The following RASSF8 variants were observed in gnomAD, a reference collection of about 807,000 sequenced individuals.
RASSF8 encodes the protein ras association domain-containing protein 8.
Under a neutral mutation model 48.5 loss-of-function variants are expected in RASSF8, and 22 were observed. That is an observed-to-expected ratio of 0.45 (90% CI 0.32 to 0.65). The LOEUF (loss-of-function observed/expected upper bound fraction) is 0.65. RASSF8 is among the 30% of genes least tolerant of loss of function. The probability of loss-of-function intolerance (pLI) is 0.03; values close to 1 mark genes in which losing one functional copy is unlikely to be tolerated. For missense variants in RASSF8, 418 were observed against 489.2 expected (o/e 0.85, Z 1.37); for synonymous variants, 127 against 171.5 (o/e 0.74, Z 2.03).
intron 3 of RASSF8, among the ~76,000 whole-genome samples, chr12:26,060,409 A>C (rs913794817): frequency 2.0e-5 from 3 of 152,200 alleles, no homozygotes; most frequent in African/African-American, 4.8e-5. Flanking sequence ...TTATTTTAGT[A>C]GTTTCACTCA....
In RASSF8 at chr12:26,068,664, C is replaced by G. The variant is rs373229325; in HGVS notation, c.1139-33C>G. 2.7e-6 allele frequency: 4 copies of G among 1,479,714 alleles called. No individual in the cohort carries two copies. The African/African-American group carries it at 4.2e-5, about 15-fold the overall frequency. 91.7% of individuals were successfully genotyped at this position (1,479,714 alleles called of 1,614,324 possible). On this transcript the variant is annotated intron_variant, in intron 5 of 5. Coordinates refer to ENST00000689635, the MANE Select transcript of RASSF8 (RefSeq NM_001394098.1). ...TTGCTAAGTACTCCAAGTTGACGAG[C>G]TCATCAGGTGGCTCTCTTTGTTTCC...
At chr12:26,030,010 G>A (rs1017794514) in intron 2 of RASSF8, among the ~76,000 whole-genome samples, 1 of 152,046 alleles carries the variant, frequency 6.6e-6, no homozygotes, top group African/African-American at 2.4e-5. Context: ...AGAGTTTAGG[G>A]CAACTAATTT....
At chr12:25,973,954 G>A (rs1941543345) in intron 1 of RASSF8, 1 of 152,164 alleles carries the variant, frequency 6.6e-6, no homozygotes, top group Non-Finnish European at 1.5e-5. Context: ...GTGTCCGGCT[G>A]CTGTAAATTT....
chr12:26,030,507 C>G (rs1189308026), intron 2 of RASSF8, among the ~76,000 whole-genome samples: 1 of 152,130 alleles, frequency 6.6e-6, no homozygotes, highest in Non-Finnish European at 1.5e-5. Context: ...GGGTTTTTGT[C>G]TATCACACAT....
At chr12:26,060,450 A>G (rs920129804) in intron 3 of RASSF8, among the ~76,000 whole-genome samples, 30 of 152,328 alleles carry the variant, frequency 2.0e-4, no homozygotes, top group African/African-American at 7.2e-4. Flanking sequence ...AAAAATAACT[A>G]AATGTCATCA....
At chr12:25,992,985 T>C (rs1052741271) in intron 1 of RASSF8, among the ~76,000 whole-genome samples, 3 of 152,094 alleles carry the variant, frequency 2.0e-5, no homozygotes, top group Non-Finnish European at 4.4e-5. Flanking sequence ...AGTGACCTGG[T>C]GAAGAGTGAA....
intron 4 of RASSF8, among the ~76,000 whole-genome samples, chr12:26,065,766 A>G (rs564017238): frequency 3.9e-4 from 59 of 152,220 alleles, no homozygotes; most frequent in African/African-American, 1.4e-3. Context: ...TCACTTCTCC[A>G]TTGTTGCCAG....
intron 1 of RASSF8, among the ~76,000 whole-genome samples, chr12:25,991,912 T>G (rs1309028420): frequency 6.6e-6 from 1 of 152,206 alleles, no homozygotes; most frequent in Non-Finnish European, 1.5e-5. Flanking sequence ...AATGTTTGAA[T>G]CACGTTAAGT....
chr12:25,993,601 A>C (rs1385199256), intron 1 of RASSF8, among the ~76,000 whole-genome samples: 1 of 152,172 alleles, frequency 6.6e-6, no homozygotes, highest in Non-Finnish European at 1.5e-5. Context: ...TCAATTTGCT[A>C]TCCAGTCGTC....
chr12:25,988,585 A>G (rs977984907), intron 1 of RASSF8, among the ~76,000 whole-genome samples: 1 of 152,216 alleles, frequency 6.6e-6, no homozygotes, highest in Non-Finnish European at 1.5e-5. Context: ...TCATTTAGAA[A>G]ATAGCCCTCT....
At chr12:26,037,234 A>G (rs1201848251) in intron 2 of RASSF8, among the ~76,000 whole-genome samples, 2 of 152,346 alleles carry the variant, frequency 1.3e-5, no homozygotes, top group East Asian at 3.9e-4. Context: ...TAAAATTAAG[A>G]GTCCTGAAAG....
chr12:26,029,158 G>C (rs866909047), intron 2 of RASSF8, among the ~76,000 whole-genome samples: 1 of 152,262 alleles, frequency 6.6e-6, no homozygotes, highest in Middle Eastern at 3.4e-3. Flanking sequence ...TCGCCCCTCA[G>C]TGATTTTTCT....
At chr12:25,972,090 C>T (rs189642915) in intron 1 of RASSF8, among the ~76,000 whole-genome samples, 82 of 152,210 alleles carry the variant, frequency 5.4e-4, no homozygotes, top group African/African-American at 1.9e-3. Context: ...GCCAAACTGC[C>T]GGTAGACACT....
At position 26,065,304 on chromosome 12, in the gene RASSF8, A is replaced by T. The variant is rs201342577; in HGVS notation, c.910A>T (p.Ile304Phe). The T allele has an allele frequency of 1.2e-6, 2 of 1,614,074 alleles. No individual in the cohort carries two copies. Among genetic ancestry groups the T allele is most frequent in the Non-Finnish European group, 8.5e-7 (1 of 1,180,024 alleles). The change falls in exon 4 of 6, where the codon ATT (isoleucine) becomes TTT (phenylalanine). Residue 304 changes from isoleucine (I) to phenylalanine (F), a missense_variant. Coordinates refer to ENST00000689635, the MANE Select transcript of RASSF8 (RefSeq NM_001394098.1). ...CGGTAAGGTCAAAGGGGAGATTGAC[A>T]TTCAAGGCCAGCAGAGTCTGAGGTT... Reference protein sequence around the residue: ...KIGKVKGEIDIQGQQSLRLEN... With the variant: ...KIGKVKGEIDFQGQQSLRLEN...
intron 2 of RASSF8, among the ~76,000 whole-genome samples, chr12:26,007,330 G>T (rs1942416019): frequency 6.6e-6 from 1 of 152,182 alleles, no homozygotes; most frequent in African/African-American, 2.4e-5. Flanking sequence ...TTTTGTAAAA[G>T]GAACAAAGCC....
Position 26,064,614 on chromosome 12 carries a change from C to A in RASSF8, c.220C>A (p.Gln74Lys). 1 of 1,614,136 alleles carries A rather than the reference C, an allele frequency of 6.2e-7. No homozygotes were observed. Among genetic ancestry groups the A allele is most frequent in the Non-Finnish European group, 8.5e-7 (1 of 1,180,020 alleles). Reference protein sequence around the residue: ...NKWGQYASDVQLILRRTGPSL... With the variant: ...NKWGQYASDVKLILRRTGPSL... Reference sequence around the variant, plus strand: ...ATGGGGGCAGTATGCTAGTGATGTGCAGCTCATTCTACGACGAACTGGGCC... The same window carrying A: ...ATGGGGGCAGTATGCTAGTGATGTGAAGCTCATTCTACGACGAACTGGGCC... The change falls in exon 4 of 6, where the codon CAG (glutamine) becomes AAG (lysine). Residue 74 changes from glutamine to lysine, a missense_variant. Transcript: ENST00000689635.
chr12:26,067,297 G>T (rs1040614965), intron 4 of RASSF8, among the ~76,000 whole-genome samples: 3 of 152,110 alleles, frequency 2.0e-5, no homozygotes, highest in South Asian at 2.1e-4. Flanking sequence ...TTTCAGAAGG[G>T]TGCATAATGG....
chr12:25,966,501 C>G (rs1398080988), intron 1 of RASSF8, among the ~76,000 whole-genome samples: 1 of 152,142 alleles, frequency 6.6e-6, no homozygotes, highest in Non-Finnish European at 1.5e-5. Flanking sequence ...AGCCATGTGT[C>G]CAGCCATCAT....
chr12:26,048,921 T>A (rs1020571198), intron 2 of RASSF8, among the ~76,000 whole-genome samples: 50 of 150,958 alleles, frequency 3.3e-4, no homozygotes, highest in Non-Finnish European at 7.1e-4. Context: ...ACCCAGCTAA[T>A]TTTTTTTTGT....
Sources: allele counts gnomAD v4.1 joint callset (sites outside exome capture counted in the v4.1 genomes callset), GRCh38; gene constraint gnomAD v4.1.1; transcripts MANE v1.5; gene names NCBI Gene and HGNC (gene_info 2026-07-23, HGNC 2026-07-21).